RBFOX1: variants seen among roughly 807,000 people sequenced by gnomAD.
RBFOX1 encodes RNA binding fox-1 homolog 1.
RBFOX1 carries 8 observed loss-of-function variants against 57.7 expected under a neutral mutation model. The observed-to-expected ratio is 0.14, with a 90% CI of 0.08 to 0.25. The LOEUF (loss-of-function observed/expected upper bound fraction) is 0.25, where lower values mean the gene tolerates loss of function less well. RBFOX1 is among the 10% of genes least tolerant of loss of function. The pLI is 1.00. For synonymous variants in RBFOX1, 326 were observed against 222.4 expected, an observed-to-expected ratio of 1.47 and a Z score of -4.15; for missense variants, 611 against 548.5, an observed-to-expected ratio of 1.11 and a Z score of -1.14.
intron 1 of RBFOX1, among the ~76,000 whole-genome samples, chr16:5,318,442 C>A (rs2064303199): frequency 6.6e-6 from 1 of 152,096 alleles, no homozygotes. Flanking sequence ...CTACTGATAT[C>A]TAATCCAGCC....
intron 4 of RBFOX1, among the ~76,000 whole-genome samples, chr16:7,257,761 C>T (rs1341120226): frequency 1.3e-5 from 2 of 152,178 alleles, no homozygotes; most frequent in Admixed American, 1.3e-4. Context: ...CAGTAGAACT[C>T]TGCAGATTTG....
intron 4 of RBFOX1, among the ~76,000 whole-genome samples, chr16:7,455,415 A>G (rs574644565): frequency 6.6e-6 from 1 of 152,222 alleles, no homozygotes; most frequent in African/African-American, 2.4e-5. Flanking sequence ...ATGCAAGAAT[A>G]TAACAGCTCC....
chr16:6,086,325 C>T (rs72772873), intron 1 of RBFOX1, among the ~76,000 whole-genome samples: 20,656 of 152,192 alleles, frequency 0.14, 1,769 homozygotes, highest in Admixed American at 0.24. Flanking sequence ...GCTGTTCACC[C>T]AGCCCCGTGC....
intron 3 of RBFOX1, among the ~76,000 whole-genome samples, chr16:5,861,753 A>G (rs917866062): frequency 6.6e-6 from 1 of 152,206 alleles, no homozygotes; most frequent in Non-Finnish European, 1.5e-5. Context: ...GCATTAGCAG[A>G]TGATTTCATT....
intron 4 of RBFOX1, among the ~76,000 whole-genome samples, chr16:7,255,217 A>G (rs1171821518): frequency 1.3e-5 from 2 of 152,192 alleles, no homozygotes; most frequent in African/African-American, 4.8e-5. Flanking sequence ...GCTTAGTGAT[A>G]AACAGCTGGT....
At chr16:7,115,614 G>A (rs752063716) in intron 4 of RBFOX1, among the ~76,000 whole-genome samples, 10 of 152,186 alleles carry the variant, frequency 6.6e-5, no homozygotes, top group African/African-American at 1.7e-4. Flanking sequence ...CCTCTGGAAA[G>A]GTGTCTTGGG....
chr16:5,681,484 G>A (rs2050337321), intron 3 of RBFOX1, among the ~76,000 whole-genome samples: 1 of 151,104 alleles, frequency 6.6e-6, no homozygotes, highest in African/African-American at 2.4e-5. Context: ...CCCATCCCCG[G>A]TTCAAGTGAT....
At chr16:7,682,404 G>T (rs944583156) in intron 14 of RBFOX1, among the ~76,000 whole-genome samples, 2 of 152,092 alleles carry the variant, frequency 1.3e-5, no homozygotes, top group Admixed American at 1.3e-4. Flanking sequence ...CATCTTCCCA[G>T]CTGGGATACA....
chr16:5,618,778 T>G (rs753501328), intron 3 of RBFOX1, among the ~76,000 whole-genome samples: 11 of 152,350 alleles, frequency 7.2e-5, no homozygotes, highest in South Asian at 4.1e-4. Flanking sequence ...CAGGTTAGTT[T>G]CTGTTGGAGA....
intron 3 of RBFOX1, among the ~76,000 whole-genome samples, chr16:5,736,257 T>A (rs1255472982): frequency 1.3e-5 from 2 of 152,182 alleles, no homozygotes; most frequent in Non-Finnish European, 2.9e-5. Context: ...CCAGGACATC[T>A]GTTTTGGGAA....
chr16:7,120,627 C>T (rs186692008), intron 4 of RBFOX1, among the ~76,000 whole-genome samples: 484 of 151,174 alleles, frequency 3.2e-3, no homozygotes, highest in African/African-American at 0.011. Flanking sequence ...TTAAAATATC[C>T]TGCCAAAATA....
chr16:7,674,764 T>G lies in RBFOX1; in HGVS notation c.931-2010T>G, dbSNP rs558772168. 1.2e-4 allele frequency among the ~76,000 whole-genome samples: 18 copies of G among 152,336 alleles called. No homozygotes were observed. The South Asian group carries it at 3.7e-3, about 32-fold the overall frequency. ...CTGCATTTGATGTTTCTACTATACA[T>G]AACCTACTAGTCAGTGTGGTTCATT... On this transcript the variant is annotated intron_variant, in intron 13 of 15. Transcript: ENST00000550418.
intron 2 of RBFOX1, among the ~76,000 whole-genome samples, chr16:5,511,611 A>G (rs923875114): frequency 3.3e-5 from 5 of 152,158 alleles, no homozygotes; most frequent in Admixed American, 6.5e-5. Context: ...ATGATAATCA[A>G]TAACTTTTTG....
At chr16:7,280,241 C>T (rs1305229562) in intron 4 of RBFOX1, among the ~76,000 whole-genome samples, 2 of 152,174 alleles carry the variant, frequency 1.3e-5, no homozygotes, top group African/African-American at 4.8e-5. Flanking sequence ...GCAAAATGAG[C>T]AAGCTTGTGT....
intron 1 of RBFOX1, among the ~76,000 whole-genome samples, chr16:5,370,340 G>A (rs781366545): frequency 6.6e-6 from 1 of 151,990 alleles, no homozygotes; most frequent in Non-Finnish European, 1.5e-5. Context: ...CCCTTCTTTA[G>A]ACATTCAGCT....
In RBFOX1 at chr16:6,207,866, T is replaced by A. The variant is rs188152408; in HGVS notation, c.-126-109129T>A. Among the ~76,000 whole-genome samples the A allele has an allele frequency of 2.1e-3, 317 of 151,990 alleles. 2 individuals carry two copies. The highest frequency in any genetic ancestry group is 6.7e-3 in the African/African-American group (279 of 41,478). The stretch of plus-strand genomic sequence containing the variant: ...CCACATCCAGCTAATTAAAAAAAAA[T>A]TTTTTTCAGAGACAGCCTGTTGCCT... On this transcript the variant is annotated intron_variant, in intron 1 of 15. Coordinates refer to ENST00000550418, the MANE Select transcript of RBFOX1 (RefSeq NM_018723.4).
chr16:7,440,188 G>A (rs2149848752), intron 4 of RBFOX1, among the ~76,000 whole-genome samples: 1 of 152,168 alleles, frequency 6.6e-6, no homozygotes, highest in African/African-American at 2.4e-5. Flanking sequence ...GAGACACTGT[G>A]TCTGGCCCCA....
chr16:6,963,070 C>T (rs751469228), intron 3 of RBFOX1, among the ~76,000 whole-genome samples: 1 of 152,110 alleles, frequency 6.6e-6, no homozygotes, highest in Non-Finnish European at 1.5e-5. Flanking sequence ...AAGTCAAATG[C>T]TCCAGGCCCA....
At chr16:6,177,632 A>G in intron 1 of RBFOX1, among the ~76,000 whole-genome samples, 1 of 152,190 alleles carries the variant, frequency 6.6e-6, no homozygotes, top group East Asian at 1.9e-4. Context: ...CATCCCAGCA[A>G]GATATAAAGA....
Sources: gnomAD v4.1 joint callset for allele counts (sites outside exome capture counted in the v4.1 genomes callset) on GRCh38, gnomAD v4.1.1 for gene constraint, MANE v1.5 for transcripts, NCBI Gene and HGNC (gene_info 2026-07-23, HGNC 2026-07-21) for gene names.